APOO: variants seen among roughly 807,000 people sequenced by gnomAD.
The protein encoded by APOO is apolipoprotein O.
Under a neutral mutation model 23.1 loss-of-function variants are expected in APOO, and 11 were observed. The observed-to-expected ratio is 0.48, with a 90% confidence interval of 0.30 to 0.79. The LOEUF (loss-of-function observed/expected upper bound fraction) is 0.79. Among genes scored for constraint, APOO ranks in the 30% least tolerant of loss-of-function variants. APOO has a pLI of 0.07. For missense variants in APOO, 160 were observed against 142.7 expected, an observed-to-expected ratio of 1.12 and a Z score of -0.62; for synonymous variants, 59 against 54.8, an observed-to-expected ratio of 1.08 and a Z score of -0.34.
At chrX:23,861,195 C>T (rs184630956) in intron 5 of APOO, among the ~76,000 whole-genome samples, 12 of 110,946 alleles carry the variant, frequency 1.1e-4, no homozygotes, top group Admixed American at 8.7e-4. Flanking sequence ...CCTGGTGGGA[C>T]GTGACCTGAT....
intron 7 of APOO, among the ~76,000 whole-genome samples, chrX:23,844,356 C>T (rs994951966): frequency 9.9e-5 from 11 of 111,628 alleles, no homozygotes; most frequent in African/African-American, 3.6e-4. Flanking sequence ...TGACTGTTAC[C>T]TCACACAGCA....
At chrX:23,843,412 T>C (rs1356836637) in intron 7 of APOO, among the ~76,000 whole-genome samples, 1 of 110,431 alleles carries the variant, frequency 9.1e-6, no homozygotes, top group Admixed American at 9.8e-5. Flanking sequence ...CAAAACAACA[T>C]TCTGACTTCA....
intron 1 of APOO, among the ~76,000 whole-genome samples, chrX:23,907,388 G>A (rs1045577182): frequency 3.6e-5 from 4 of 112,050 alleles, no homozygotes; most frequent in Non-Finnish European, 5.6e-5. Flanking sequence ...ATCCCAAGAG[G>A]GTACTAGCCG....
At chrX:23,875,319 A>C (rs931902562) in intron 3 of APOO, among the ~76,000 whole-genome samples, 3 of 110,883 alleles carry the variant, frequency 2.7e-5, no homozygotes, top group African/African-American at 9.8e-5. Context: ...ACCTTCAAGA[A>C]GTCTACAGTG....
At chrX:23,900,154 G>A (rs1309417788) in intron 1 of APOO, among the ~76,000 whole-genome samples, 4 of 112,383 alleles carry the variant, frequency 3.6e-5, no homozygotes, top group East Asian at 2.8e-4. Context: ...GTTAATTCAC[G>A]TTTTACAGTT....
intron 4 of APOO, among the ~76,000 whole-genome samples, chrX:23,873,241 T>A (rs974130712): frequency 9.0e-6 from 1 of 111,123 alleles, no homozygotes. Context: ...GTACCTGACA[T>A]ATAAGTCTTA....
intron 2 of APOO, among the ~76,000 whole-genome samples, chrX:23,879,325 A>G (rs781050204): frequency 8.9e-6 from 1 of 111,742 alleles, no homozygotes; most frequent in Non-Finnish European, 1.9e-5. Flanking sequence ...AATCCCAGCT[A>G]CTTGGGAGGC....
intron 8 of APOO, chrX:23,839,978 C>A (rs969129202): frequency 8.3e-6 from 1 of 120,094 alleles, no homozygotes; most frequent in Non-Finnish European, 1.7e-5. Flanking sequence ...CCAGTGTTCA[C>A]TGAGTATTAG....
intron 6 of APOO, among the ~76,000 whole-genome samples, chrX:23,857,151 C>T (rs1407498326): frequency 1.8e-5 from 2 of 108,861 alleles, no homozygotes; most frequent in Non-Finnish European, 3.8e-5. Flanking sequence ...GCTTATTACC[C>T]GGGTAACAAA....
intron 1 of APOO, among the ~76,000 whole-genome samples, chrX:23,885,160 A>G (rs1192228755): frequency 9.2e-6 from 1 of 108,845 alleles, no homozygotes; most frequent in Non-Finnish European, 1.9e-5. Flanking sequence ...GCACTTTGGG[A>G]GGCCGAGGTG....
chrX:23,893,374 G>A (rs1181934483), intron 1 of APOO, among the ~76,000 whole-genome samples: 2 of 108,952 alleles, frequency 1.8e-5, no homozygotes, highest in East Asian at 2.9e-4. Flanking sequence ...GCAGTGAGCC[G>A]ACATCACGCC....
chrX:23,881,777 A>G (rs1454894871), intron 1 of APOO, among the ~76,000 whole-genome samples: 1 of 67,788 alleles, frequency 1.5e-5, no homozygotes, highest in Non-Finnish European at 2.3e-5. Flanking sequence ...TCTCTACTAA[A>G]ATTACAAAAA....
chrX:23,888,694 A>G (rs1056124470), intron 1 of APOO, among the ~76,000 whole-genome samples: 9 of 109,471 alleles, frequency 8.2e-5, no homozygotes, highest in African/African-American at 2.7e-4. Flanking sequence ...CTACTAAAAT[A>G]CAAAAATTAG....
chrX:23,836,506 G>A (rs1394835925), intron 8 of APOO, among the ~76,000 whole-genome samples: 2 of 111,148 alleles, frequency 1.8e-5, no homozygotes, highest in Non-Finnish European at 3.8e-5. Context: ...GTAGAGACAG[G>A]GTTTCACCAT....
chrX:23,852,320 C>T (rs977564760), intron 7 of APOO, among the ~76,000 whole-genome samples: 1 of 109,308 alleles, frequency 9.1e-6, no homozygotes, highest in Non-Finnish European at 1.9e-5. Context: ...AACAATTGGC[C>T]GGGCACGGTG....
intron 8 of APOO, chrX:23,836,931 T>A: frequency 8.4e-7 from 1 of 1,195,687 alleles, no homozygotes; most frequent in Non-Finnish European, 1.1e-6. Flanking sequence ...AAGCAACACC[T>A]GGTCTCATCC....
At chrX:23,854,320 C>T (rs1238624135) in intron 7 of APOO, among the ~76,000 whole-genome samples, 1 of 111,810 alleles carries the variant, frequency 8.9e-6, no homozygotes, top group African/African-American at 3.2e-5. Flanking sequence ...TCTGCACAGA[C>T]ACCACAGTGA....
At chrX:23,843,569 A>G (rs554303087) in intron 7 of APOO, among the ~76,000 whole-genome samples, 2 of 104,469 alleles carry the variant, frequency 1.9e-5, no homozygotes, top group South Asian at 8.7e-4. Context: ...ATGAACACAA[A>G]TGACAATTTC....
At chrX:23,854,812 C>T (rs771313272) in intron 7 of APOO, among the ~76,000 whole-genome samples, 4 of 110,476 alleles carry the variant, frequency 3.6e-5, no homozygotes, top group South Asian at 3.8e-4. Flanking sequence ...CATGAGCCAC[C>T]GCACCTGGCC....
Sources: gnomAD v4.1 joint callset for allele counts (sites outside exome capture counted in the v4.1 genomes callset) on GRCh38, gnomAD v4.1.1 for gene constraint, MANE v1.5 for transcripts, NCBI Gene and HGNC (gene_info 2026-07-23, HGNC 2026-07-21) for gene names.